Variants in MGMT observed in about 807,000 individuals in gnomAD.
The protein encoded by MGMT is methylated-DNA--protein-cysteine methyltransferase.
In MGMT, 14 loss-of-function variants were observed where a neutral mutation model predicts 15.9. The ratio of observed to expected loss-of-function variants is 0.88; its 90% confidence interval spans 0.58 to 1.37. The LOEUF (loss-of-function observed/expected upper bound fraction) is 1.37. Ranked by LOEUF, MGMT falls within the 40% of genes most tolerant of loss-of-function variation. MGMT has a pLI of 0.00. For missense variants in MGMT, 282 were observed against 268.1 expected (o/e 1.05, Z -0.36); for synonymous variants, 130 against 118.2 (o/e 1.10, Z -0.65).
At chr10:129,673,839 T>G (rs1589928970) in intron 2 of MGMT, among the ~76,000 whole-genome samples, 1 of 152,242 alleles carries the variant, frequency 6.6e-6, no homozygotes, top group African/African-American at 2.4e-5. Context: ...AATATCTCAG[T>G]TGATGCTCGT....
intron 3 of MGMT, among the ~76,000 whole-genome samples, chr10:129,712,124 C>G (rs1848239892): frequency 6.6e-6 from 1 of 152,154 alleles, no homozygotes; most frequent in African/African-American, 2.4e-5. Context: ...CATCTGGGCA[C>G]GTCCTCAGGT....
intron 3 of MGMT, among the ~76,000 whole-genome samples, chr10:129,743,135 C>T (rs1472542479): frequency 6.6e-6 from 1 of 152,144 alleles, no homozygotes; most frequent in Non-Finnish European, 1.5e-5. Flanking sequence ...CGGGTCGTTA[C>T]TGATCTATCT....
chr10:129,675,523 A>T (rs2133115803), intron 2 of MGMT, among the ~76,000 whole-genome samples: 1 of 152,286 alleles, frequency 6.6e-6, no homozygotes, highest in Admixed American at 6.5e-5. Flanking sequence ...GGCATGTGTG[A>T]CTAGCAGGAG....
At chr10:129,645,576 C>T (rs1238859527) in intron 2 of MGMT, among the ~76,000 whole-genome samples, 1 of 152,110 alleles carries the variant, frequency 6.6e-6, no homozygotes, top group Non-Finnish European at 1.5e-5. Flanking sequence ...TGGGACTGTA[C>T]CTTTCATCCT....
At chr10:129,470,021 A>G (rs528199113) in intron 1 of MGMT, among the ~76,000 whole-genome samples, 128 of 152,296 alleles carry the variant, frequency 8.4e-4, no homozygotes, top group African/African-American at 2.8e-3. Flanking sequence ...CTCGCAGGAT[A>G]TTATTTAAAC....
intron 2 of MGMT, among the ~76,000 whole-genome samples, chr10:129,612,373 A>G (rs1846970768): frequency 6.6e-6 from 1 of 152,256 alleles, no homozygotes; most frequent in Non-Finnish European, 1.5e-5. Flanking sequence ...ACTTCCCGTC[A>G]TGCCTGAAAC....
intron 2 of MGMT, among the ~76,000 whole-genome samples, chr10:129,542,742 C>G (rs746392044): frequency 6.6e-6 from 1 of 152,140 alleles, no homozygotes; most frequent in Non-Finnish European, 1.5e-5. Flanking sequence ...TTATAGAAAT[C>G]GTCTGTTTTT....
chr10:129,770,351 G>T lies in MGMT; in HGVS notation c.*3354G>T, dbSNP rs1197824001. 1.3e-5 allele frequency among the ~76,000 whole-genome samples: 2 copies of T among 152,232 alleles called. No homozygotes were observed. The highest frequency in any genetic ancestry group is 4.8e-5 in the African/African-American group (2 of 41,452). ...GCCCTGTGGAGTGGCGGACTCTGGGGAGTAGCTGGTCAGTGAGATTCTCGC... is the reference window on the plus strand; with the variant it reads ...GCCCTGTGGAGTGGCGGACTCTGGGTAGTAGCTGGTCAGTGAGATTCTCGC... On this transcript the variant is annotated 3_prime_UTR_variant, in exon 5 of 5. Transcript: ENST00000651593.
At chr10:129,716,302 G>A (rs1164882276) in intron 3 of MGMT, among the ~76,000 whole-genome samples, 6 of 152,176 alleles carry the variant, frequency 3.9e-5, no homozygotes, top group Admixed American at 1.3e-4. Flanking sequence ...AATATATACA[G>A]TGTAGCTGTT....
chr10:129,658,402 G>T (rs1219255894), intron 2 of MGMT, among the ~76,000 whole-genome samples: 2 of 152,186 alleles, frequency 1.3e-5, no homozygotes, highest in East Asian at 3.8e-4. Flanking sequence ...TGAATGACAG[G>T]TGACCCTCAG....
chr10:129,552,735 C>T (rs902999780), intron 2 of MGMT, among the ~76,000 whole-genome samples: 3 of 152,192 alleles, frequency 2.0e-5, no homozygotes, highest in Non-Finnish European at 4.4e-5. Flanking sequence ...GGCAGGGCCA[C>T]GCGGTCCCCT....
At chr10:129,726,237 C>T (rs6482750) in intron 3 of MGMT, among the ~76,000 whole-genome samples, 83,796 of 151,896 alleles carry the variant, frequency 0.55, 23,391 homozygotes, top group Middle Eastern at 0.72. Context: ...ACAGATGAGA[C>T]TTGAACCTGG....
chr10:129,742,879 G>A (rs1848651620), intron 3 of MGMT, among the ~76,000 whole-genome samples: 2 of 151,790 alleles, frequency 1.3e-5, no homozygotes, highest in Non-Finnish European at 2.9e-5. Context: ...CTCAGAGCCA[G>A]GTCTTCAGGG....
rs544287753 is a variant in MGMT, at chr10:129,714,977, A to G, written c.274+6934A>G. 2.1e-4 allele frequency among the ~76,000 whole-genome samples: 32 copies of G among 152,242 alleles called. No homozygotes were observed. In the East Asian group the frequency reaches 6.0e-3, roughly 29 times the overall value. ...AGGTGAGAGTTTTATCCTGAATGTA[A>G]GAGGTGGCCAGGTCCTTAGTTCCCT... On this transcript the variant is annotated intron_variant, in intron 3 of 4. Transcript: ENST00000651593.
intron 2 of MGMT, among the ~76,000 whole-genome samples, chr10:129,656,364 T>C (rs1001895980): frequency 2.6e-5 from 4 of 152,176 alleles, no homozygotes; most frequent in Non-Finnish European, 5.9e-5. Context: ...GGCATCTCCC[T>C]GGGAGTTCCT....
At chr10:129,527,322 G>A (rs78058181) in intron 1 of MGMT, among the ~76,000 whole-genome samples, 1,980 of 152,300 alleles carry the variant, frequency 0.013, 34 homozygotes, top group African/African-American at 0.046. Context: ...CCGATGGTTC[G>A]AATTCTGGAA....
intron 2 of MGMT, among the ~76,000 whole-genome samples, chr10:129,705,354 A>G (rs747745274): frequency 1.3e-5 from 2 of 152,232 alleles, no homozygotes; most frequent in African/African-American, 4.8e-5. Flanking sequence ...TGGATGTGCC[A>G]GGGTATTTCC....
At chr10:129,569,728 C>T (rs1049371184) in intron 2 of MGMT, among the ~76,000 whole-genome samples, 24 of 152,172 alleles carry the variant, frequency 1.6e-4, no homozygotes, top group African/African-American at 4.1e-4. Context: ...GCAGGAGGAA[C>T]GGAAGATTGA....
intron 2 of MGMT, among the ~76,000 whole-genome samples, chr10:129,681,585 C>A (rs1847853188): frequency 6.6e-6 from 1 of 152,174 alleles, no homozygotes; most frequent in Non-Finnish European, 1.5e-5. Flanking sequence ...GGAGAAAATA[C>A]CATTGACCTT....
Sources: gnomAD v4.1 joint callset for allele counts (sites outside exome capture counted in the v4.1 genomes callset) on GRCh38, gnomAD v4.1.1 for gene constraint, MANE v1.5 for transcripts, NCBI Gene and HGNC (gene_info 2026-07-23, HGNC 2026-07-21) for gene names.